The following ECE2 variants were observed in gnomAD, a reference collection of about 807,000 sequenced individuals.
The protein encoded by ECE2 is endothelin-converting enzyme 2.
In ECE2, 81 loss-of-function variants were observed where a neutral mutation model predicts 100.6. The ratio of observed to expected loss-of-function variants is 0.81; its 90% CI spans 0.67 to 0.97. ECE2 has a LOEUF of 0.97. Ranked by LOEUF, ECE2 falls within the 50% of genes least tolerant of loss-of-function variation. The probability of loss-of-function intolerance (pLI) is 0.00; values close to 1 mark genes in which losing one functional copy is unlikely to be tolerated. For synonymous variants in ECE2, 391 were observed against 391.5 expected (o/e 1.00, Z 0.02); for missense variants, 911 against 988.1 (o/e 0.92, Z 1.05).
rs766891632 is a variant in ECE2, at chr3:184,289,645, A to G, written c.1478A>G (p.Asp493Gly). Residue 493 changes from aspartate to glycine, a missense_variant, in exon 13 of 19, where the codon GAT (aspartate) becomes GGT (glycine). Physicochemically the swap from Asp to Gly is moderately conservative, Grantham distance 94. Coordinates refer to ENST00000404464, the MANE Select transcript of ECE2 (RefSeq NM_001100121.2). This position sits in a 1 kb window ranked among gnomAD's most constrained non-coding sequence, Gnocchi z 4.1. ...CCCTTAACCTGGTCTCTTCAGGCAGATGCCATCTATGATATGATTGGTTTC... is the reference window on the plus strand; with the variant it reads ...CCCTTAACCTGGTCTCTTCAGGCAGGTGCCATCTATGATATGATTGGTTTC... ...KTRQAAKEKA[D>G]AIYDMIGFPD... 30 of 1,613,534 alleles carry G rather than the reference A, an allele frequency of 1.9e-5. No homozygotes were observed. Among genetic ancestry groups the G allele is most frequent in the Non-Finnish European group, 2.5e-5 (29 of 1,179,750 alleles).
At chr3:184,276,397 G>A (rs1451011282) in intron 1 of ECE2, 84 bp from the exon 2 acceptor site, 6 of 1,522,414 alleles carry the variant, frequency 3.9e-6, no homozygotes, top group Non-Finnish European at 5.3e-6. Context: ...GGAGGGGTCC[G>A]CGAGGCAGGG....
chr3:184,276,759 A>G, intron 2 of ECE2, 133 bp from the exon 3 acceptor site: 1 of 1,555,966 alleles, frequency 6.4e-7, no homozygotes, highest in Non-Finnish European at 8.7e-7. Flanking sequence ...GGCTCAACTC[A>G]CTGGCTGGCC....
In ECE2 at chr3:184,287,908, C is replaced by G. The variant is rs760486072; in HGVS notation, c.1335C>G (p.Leu445=). 1 of 1,614,208 alleles carries G rather than the reference C, an allele frequency of 6.2e-7. No homozygotes were observed. The highest frequency in any genetic ancestry group is 8.5e-7 in the Non-Finnish European group (1 of 1,180,034). The change falls in exon 11 of 19, where the codon CTC becomes CTG. Residue 445 remains leucine, a synonymous_variant. Coordinates refer to ENST00000404464, the MANE Select transcript of ECE2 (RefSeq NM_001100121.2). ...CCCTTGGCTTTGCTTTGGGGTCCCT[C>G]TTCGTGAAGGCCACGTTTGACCGGC... ...DDALGFALGS[L]FVKATFDRQS...
Position 184,289,947 on chromosome 3 carries a change from AT to A in ECE2, c.1551+231del, listed in dbSNP as rs1266425062. Among the ~76,000 whole-genome samples, 4 of 152,220 alleles carry A rather than the reference AT, an allele frequency of 2.6e-5. No homozygotes were observed. The highest frequency in any genetic ancestry group is 9.7e-5 in the African/African-American group (4 of 41,446). ...AAGATTTGGAGTCAAGCCTAATCAA[AT>A]TCTGTTTCTACCTCTAACTTTGTAA... is the stretch of plus-strand genomic sequence containing the variant. On this transcript the variant is annotated intron_variant, in intron 13 of 18. Transcript: ENST00000404464. The surrounding 1 kb of genome is among the most constrained non-coding windows in gnomAD (Gnocchi z 4.1).
chr3:184,287,022 C>A (rs1159525854), intron 10 of ECE2, among the ~76,000 whole-genome samples: 1 of 151,678 alleles, frequency 6.6e-6, no homozygotes. Context: ...GCCTGTAATC[C>A]CAGCACTTTG....
Position 184,285,608 on chromosome 3 carries a change from T to G in ECE2, c.1263+16T>G, listed in dbSNP as rs759864677. The G allele has an allele frequency of 1.3e-6, 2 of 1,586,424 alleles. No homozygotes were observed. Among genetic ancestry groups the G allele is most frequent in the Non-Finnish European group, 1.7e-6 (2 of 1,154,840 alleles). Reference sequence around the variant, plus strand: ...CACTAAGAAGGTGGGCTTTCTGATTTTGCCTCCACGTTCTGATCCAGTCTA... The same window carrying G: ...CACTAAGAAGGTGGGCTTTCTGATTGTGCCTCCACGTTCTGATCCAGTCTA... On this transcript the variant is annotated intron_variant, in intron 10 of 18. Transcript: ENST00000404464.
At chr3:184,283,386 C>A (rs879696521) in intron 7 of ECE2, among the ~76,000 whole-genome samples, 4 of 151,146 alleles carry the variant, frequency 2.6e-5, no homozygotes, top group Admixed American at 6.6e-5. Context: ...CATGGTGAAA[C>A]CCCGTCTCTA....
In ECE2 at chr3:184,292,312, G is replaced by C; in HGVS notation, c.*74G>C. 2.5e-6 allele frequency: 4 copies of C among 1,575,292 alleles called. No individual in the cohort carries two copies. Among genetic ancestry groups the C allele is most frequent in the Non-Finnish European group, 3.5e-6 (4 of 1,155,022 alleles). ...TCTCCTGACAAAGCTGTTTGCTCTT[G>C]GGTTGGGAGGAAGCAAATGCAAGCT... is the stretch of plus-strand genomic sequence containing the variant. On this transcript the variant is annotated 3_prime_UTR_variant, in exon 19 of 19. Transcript: ENST00000404464.
At position 184,291,570 on chromosome 3, in the gene ECE2, G is replaced by A; in HGVS notation, c.2121+131G>A. ...GGCTGAGGCTGGGGCATGAAAGGTGGGCTGGGAAGGCCCATGCCCAGAGCC... is the reference window on the plus strand; with the variant it reads ...GGCTGAGGCTGGGGCATGAAAGGTGAGCTGGGAAGGCCCATGCCCAGAGCC... On this transcript the variant is annotated intron_variant, in intron 18 of 18. Coordinates refer to ENST00000404464, the MANE Select transcript of ECE2 (RefSeq NM_001100121.2). The surrounding 1 kb of genome is among the most constrained non-coding windows in gnomAD (Gnocchi z 4.1). 3 of 935,552 alleles carry A rather than the reference G, an allele frequency of 3.2e-6. No individual in the cohort carries two copies. The highest frequency in any genetic ancestry group is 1.5e-6 in the Non-Finnish European group (1 of 647,836). 58.0% of individuals were successfully genotyped at this position (935,552 alleles called of 1,614,324 possible). A position where few individuals can be genotyped will look rare whatever the true frequency, so the allele number is the denominator to read the frequency against.
intron 2 of ECE2, 105 bp from the exon 3 acceptor site, chr3:184,276,787 A>G: frequency 1.3e-6 from 2 of 1,568,742 alleles, no homozygotes; most frequent in Non-Finnish European, 1.7e-6. Flanking sequence ...CCCCGGGCCC[A>G]GAGTTAACCC....
In ECE2 at chr3:184,278,215, G is replaced by A. The variant is rs1427098944; in HGVS notation, c.652G>A (p.Glu218Lys). Reference sequence around the variant, plus strand: ...GCCCTGGGACCAGGACAACTTTATGGAGGTGTTGAAGGCAGTAGCAGGGAC... The same window carrying A: ...GCCCTGGGACCAGGACAACTTTATGAAGGTGTTGAAGGCAGTAGCAGGGAC... ...TGPWDQDNFM[E>K]VLKAVAGTYR... The change falls in exon 6 of 19, where the codon GAG becomes AAG. Residue 218 changes from glutamate to lysine, a missense_variant. Glu to Lys is a moderately conservative substitution (Grantham distance 56, BLOSUM62 1). Transcript: ENST00000404464. 1 of 1,614,160 alleles carries A rather than the reference G, an allele frequency of 6.2e-7. No individual in the cohort carries two copies. The highest frequency in any genetic ancestry group is 1.6e-4 in the Middle Eastern group (1 of 6,062).
chr3:184,290,601 C>G lies in ECE2; in HGVS notation c.1700C>G (p.Thr567Ser), dbSNP rs1464181677. 13 of 1,614,074 alleles carry G rather than the reference C, an allele frequency of 8.1e-6. No homozygotes were observed. The highest frequency in any genetic ancestry group is 1.1e-5 in the Non-Finnish European group (13 of 1,180,038). Reference protein sequence around the residue: ...PQTVNAYYLPTKNEIVFPAGI... With the variant: ...PQTVNAYYLPSKNEIVFPAGI... ...ACAGTGAATGCCTACTACCTTCCAA[C>G]TAAGAATGAGATCGTCTTCCCCGCT... Residue 567 changes from threonine to serine, a missense_variant, in exon 15 of 19, where the codon ACT becomes AGT. Physicochemically the swap from Thr to Ser is moderately conservative, Grantham distance 58 (BLOSUM62 1). Coordinates refer to ENST00000404464, the MANE Select transcript of ECE2 (RefSeq NM_001100121.2).
chr3:184,285,603 T>A lies in ECE2; in HGVS notation c.1263+11T>A. On this transcript the variant is annotated intron_variant, in intron 10 of 18. Transcript: ENST00000404464. ...TATGGCACTAAGAAGGTGGGCTTTC[T>A]GATTTTGCCTCCACGTTCTGATCCA... 4 of 1,594,766 alleles carry A rather than the reference T, an allele frequency of 2.5e-6. No homozygotes were observed. Among genetic ancestry groups the A allele is most frequent in the Non-Finnish European group, 3.4e-6 (4 of 1,162,466 alleles).
chr3:184,279,656 C>CAA (rs10652404), intron 7 of ECE2, among the ~76,000 whole-genome samples: 66,241 of 127,498 alleles, frequency 0.52, 16,897 homozygotes, highest in Middle Eastern at 0.61. Context: ...GACTTCATCT[C>CAA]AAAAAAAAAA....
At position 184,289,032 on chromosome 3, in the gene ECE2, G is replaced by A. The variant is rs1721188438; in HGVS notation, c.1375-405G>A. ...TACCCGGGCATGATGGCGGGAGCCT[G>A]TAATCCTAGCTACTTGGGAGGCTGA... On this transcript the variant is annotated intron_variant, in intron 11 of 18. Transcript: ENST00000404464. The surrounding 1 kb of genome is among the most constrained non-coding windows in gnomAD (Gnocchi z 4.1). Among the ~76,000 whole-genome samples the A allele has an allele frequency of 6.6e-6, 1 of 151,950 alleles. No homozygotes were observed. The highest frequency in any genetic ancestry group is 2.4e-5 in the African/African-American group (1 of 41,352).
chr3:184,278,627 C>A, intron 7 of ECE2, 70 bp downstream of exon 7: 2 of 1,565,220 alleles, frequency 1.3e-6, no homozygotes, highest in Admixed American at 1.7e-5. Flanking sequence ...TGACTTTTCC[C>A]TTTGCCAAGG....
chr3:184,290,392 G>A (rs553264786), intron 14 of ECE2, 34 bp downstream of exon 14: 4 of 1,604,738 alleles, frequency 2.5e-6, no homozygotes, highest in Middle Eastern at 1.7e-4. Flanking sequence ...GACACTAGGG[G>A]TGGCAGGAGA....
rs1388318546 is a variant in ECE2, at chr3:184,290,109, T to C, written c.1552-146T>C. 8.8e-6 allele frequency: 6 copies of C among 679,516 alleles called. No homozygotes were observed. The Admixed American group carries it at 1.7e-4, about 19-fold the overall frequency. The allele number at this position is 679,516 out of a possible 1,614,324, so 42.1% of individuals were successfully genotyped here. On this transcript the variant is annotated intron_variant, in intron 13 of 18. Coordinates refer to ENST00000404464, the MANE Select transcript of ECE2 (RefSeq NM_001100121.2). ...ACAGCACCCATAACATAAATGGCCT[T>C]TAAATATTGCCAATTATGGTTTACT... is the stretch of plus-strand genomic sequence containing the variant.
Position 184,283,767 on chromosome 3 carries a change from T to G in ECE2, c.817-18T>G, listed in dbSNP as rs757574846. On this transcript the variant is annotated intron_variant, in intron 7 of 18. Transcript: ENST00000404464. The stretch of plus-strand genomic sequence containing the variant: ...AGGACTTGTTGCTGGGCTCTGAGGA[T>G]CACCCGGGCCTTGACAGGTGCTCAC... 18 of 1,610,906 alleles carry G rather than the reference T, an allele frequency of 1.1e-5. No homozygotes were observed. Among genetic ancestry groups the G allele is most frequent in the Non-Finnish European group, 1.4e-5 (17 of 1,178,322 alleles).
Sources: gnomAD v4.1 joint callset for allele counts (sites outside exome capture counted in the v4.1 genomes callset) on GRCh38, gnomAD v4.1.1 for gene constraint, Gnocchi (gnomAD v3.1) non-coding constraint, MANE v1.5 for transcripts, NCBI Gene and HGNC (gene_info 2026-07-23, HGNC 2026-07-21) for gene names.